KHDRBS3: variants seen among roughly 807,000 people sequenced by gnomAD.
The protein encoded by KHDRBS3 is KH RNA binding domain containing, signal transduction associated 3.
KHDRBS3 carries 23 observed loss-of-function variants against 45.6 expected under a neutral mutation model. The ratio of observed to expected loss-of-function variants is 0.50; its 90% CI spans 0.36 to 0.72. The LOEUF is 0.72. KHDRBS3 is among the 30% of genes least tolerant of loss of function. The pLI, the probability that KHDRBS3 is intolerant of heterozygous loss-of-function variation, is 0.00. For synonymous variants in KHDRBS3, 162 were observed against 156.5 expected (o/e 1.04, Z -0.26); for missense variants, 352 against 424.8 (o/e 0.83, Z 1.51).
intron 3 of KHDRBS3, among the ~76,000 whole-genome samples, chr8:135,546,745 A>G (rs1364449358): frequency 6.6e-6 from 1 of 152,192 alleles, no homozygotes; most frequent in Non-Finnish European, 1.5e-5. Context: ...AGGGTAATGT[A>G]ATCTGCCCAA....
At chr8:135,489,565 C>A (rs1248043796) in intron 1 of KHDRBS3, among the ~76,000 whole-genome samples, 2 of 151,972 alleles carry the variant, frequency 1.3e-5, no homozygotes, top group African/African-American at 2.4e-5. Context: ...GTAGTCCCAG[C>A]TACTCAGGAG....
intron 6 of KHDRBS3, among the ~76,000 whole-genome samples, chr8:135,598,483 C>T (rs1350515558): frequency 1.3e-5 from 2 of 152,148 alleles, no homozygotes; most frequent in African/African-American, 2.4e-5. Flanking sequence ...AGTCATCAGA[C>T]TCCAAAGACT....
At chr8:135,636,414 T>A (rs1207980005) in intron 7 of KHDRBS3, among the ~76,000 whole-genome samples, 2 of 152,190 alleles carry the variant, frequency 1.3e-5, no homozygotes, top group Non-Finnish European at 2.9e-5. Flanking sequence ...TGCCTTGACT[T>A]TTGGTCAACA....
chr8:135,646,853 G>A (rs1586859194), intron 8 of KHDRBS3, 140 bp from the exon 9 acceptor site: 1 of 501,472 alleles, frequency 2.0e-6, no homozygotes, highest in Non-Finnish European at 3.6e-6. Flanking sequence ...TTCCTTGTTT[G>A]TTTTTCTTTT....
chr8:135,551,391 A>G (rs1265360701), intron 4 of KHDRBS3, among the ~76,000 whole-genome samples: 1 of 152,058 alleles, frequency 6.6e-6, no homozygotes, highest in Non-Finnish European at 1.5e-5. Context: ...TTTTATTGCT[A>G]CCCTTTGTCA....
intron 1 of KHDRBS3, among the ~76,000 whole-genome samples, chr8:135,466,305 A>G (rs568021780): frequency 1.4e-3 from 212 of 152,280 alleles, no homozygotes; most frequent in Non-Finnish European, 2.3e-3. Flanking sequence ...CATTTAATCC[A>G]TGACTTTCAC....
chr8:135,497,825 CCTAT>C (rs952847559), intron 1 of KHDRBS3, among the ~76,000 whole-genome samples: 121 of 152,214 alleles, frequency 7.9e-4, no homozygotes, highest in African/African-American at 2.4e-3. Flanking sequence ...GAGTAAGTTA[CCTAT>C]CTGAGGTCGT....
chr8:135,626,931 G>T (rs9657441), intron 7 of KHDRBS3, among the ~76,000 whole-genome samples: 12,572 of 151,128 alleles, frequency 0.083, 1,045 homozygotes, highest in East Asian at 0.34. Context: ...CAATTATGTA[G>T]AACCATCTGC....
intron 4 of KHDRBS3, among the ~76,000 whole-genome samples, chr8:135,551,439 G>C (rs1047915771): frequency 6.6e-6 from 1 of 152,110 alleles, no homozygotes; most frequent in Non-Finnish European, 1.5e-5. Flanking sequence ...AAGGATGAGA[G>C]TTTTTATCAT....
At chr8:135,629,346 C>T (rs1563817430) in intron 7 of KHDRBS3, among the ~76,000 whole-genome samples, 1 of 152,212 alleles carries the variant, frequency 6.6e-6, no homozygotes. Context: ...TTAATTATTA[C>T]TCATTCATTA....
chr8:135,647,091 T>C lies in KHDRBS3; in HGVS notation c.*7T>C. 1 of 1,514,874 alleles carries C rather than the reference T, an allele frequency of 6.6e-7. No individual in the cohort carries two copies. The allele number at this position is 1,514,874 out of a possible 1,614,324, so 93.8% of individuals were successfully genotyped here. A position where few individuals can be genotyped will look rare whatever the true frequency, so the allele number is the denominator to read the frequency against. ...GCCATATGGCAGATACTGATTGTAC[T>C]GTCTGATGTTGTGAAATAGCCAATC... is the stretch of plus-strand genomic sequence containing the variant. On this transcript the variant is annotated 3_prime_UTR_variant, in exon 9 of 9. Coordinates refer to ENST00000355849, the MANE Select transcript of KHDRBS3 (RefSeq NM_006558.3).
chr8:135,573,960 A>G (rs1827829282), intron 5 of KHDRBS3, among the ~76,000 whole-genome samples: 1 of 152,180 alleles, frequency 6.6e-6, no homozygotes, highest in South Asian at 2.1e-4. Flanking sequence ...AGTTTGTGGT[A>G]CCCTATTCCT....
chr8:135,507,223 G>A (rs572906773), intron 1 of KHDRBS3, among the ~76,000 whole-genome samples: 2 of 152,196 alleles, frequency 1.3e-5, no homozygotes, highest in African/African-American at 2.4e-5. Context: ...AGCTAGTCAT[G>A]TGTAATAAAG....
intron 2 of KHDRBS3, among the ~76,000 whole-genome samples, chr8:135,529,965 G>A (rs1176943839): frequency 1.3e-5 from 2 of 151,800 alleles, no homozygotes; most frequent in Non-Finnish European, 2.9e-5. Flanking sequence ...GTAGGAGAAT[G>A]GTGTGAAACC....
intron 7 of KHDRBS3, among the ~76,000 whole-genome samples, chr8:135,635,352 C>G (rs1452489124): frequency 6.6e-6 from 1 of 152,240 alleles, no homozygotes; most frequent in East Asian, 1.9e-4. Flanking sequence ...GATACGACAT[C>G]AAAACTTGGC....
chr8:135,556,946 G>A (rs1228867716), intron 4 of KHDRBS3, among the ~76,000 whole-genome samples: 1 of 152,176 alleles, frequency 6.6e-6, no homozygotes, highest in African/African-American at 2.4e-5. Context: ...TACTGGAAAT[G>A]TACAAAAAGC....
intron 1 of KHDRBS3, among the ~76,000 whole-genome samples, chr8:135,515,960 A>G (rs1347245097): frequency 1.3e-5 from 2 of 152,186 alleles, no homozygotes; most frequent in Non-Finnish European, 2.9e-5. Flanking sequence ...GCATCCTTAG[A>G]TGATTTTGTT....
At chr8:135,518,785 T>A (rs919094948) in intron 1 of KHDRBS3, among the ~76,000 whole-genome samples, 1 of 152,246 alleles carries the variant, frequency 6.6e-6, no homozygotes, top group Admixed American at 6.5e-5. Context: ...AAACTGTGTG[T>A]GTGTGTGTCA....
chr8:135,646,781 G>A (rs993310422), intron 8 of KHDRBS3, among the ~76,000 whole-genome samples: 2 of 152,126 alleles, frequency 1.3e-5, no homozygotes, highest in African/African-American at 4.8e-5. Flanking sequence ...ATCTTCCCAC[G>A]CTGACGAATT....
Sources: gnomAD v4.1 joint callset for allele counts (sites outside exome capture counted in the v4.1 genomes callset) on GRCh38, gnomAD v4.1.1 for gene constraint, MANE v1.5 for transcripts, NCBI Gene and HGNC (gene_info 2026-07-23, HGNC 2026-07-21) for gene names.